HOMER1: variants seen among roughly 807,000 people sequenced by gnomAD.
HOMER1 encodes homer protein homolog 1.
In HOMER1, 3 loss-of-function variants were observed where a neutral mutation model predicts 48.9. The ratio of observed to expected loss-of-function variants is 0.06; its 90% CI spans 0.03 to 0.16. The LOEUF (loss-of-function observed/expected upper bound fraction) is 0.16, where lower values mean the gene tolerates loss of function less well. Ranked by LOEUF, HOMER1 falls within the 10% of genes least tolerant of loss-of-function variation. HOMER1 has a pLI of 1.00. For synonymous variants in HOMER1, 134 were observed against 146.4 expected (o/e 0.92, Z 0.61); for missense variants, 247 against 411.4 (o/e 0.60, Z 3.46).
At chr5:79,480,014 G>A (rs1751902563) in intron 1 of HOMER1, among the ~76,000 whole-genome samples, 1 of 152,114 alleles carries the variant, frequency 6.6e-6, no homozygotes, top group Non-Finnish European at 1.5e-5. Context: ...ACAAGTTATA[G>A]CAATTGTTCA....
chr5:79,462,211 A>G (rs900413609), intron 1 of HOMER1, among the ~76,000 whole-genome samples: 2 of 152,136 alleles, frequency 1.3e-5, no homozygotes, highest in Non-Finnish European at 2.9e-5. Flanking sequence ...AAAACAAACA[A>G]ACAAACAAAA....
intron 1 of HOMER1, among the ~76,000 whole-genome samples, chr5:79,466,262 T>C (rs562631972): frequency 6.6e-6 from 1 of 152,152 alleles, no homozygotes; most frequent in African/African-American, 2.4e-5. Flanking sequence ...ATACCTGTAA[T>C]CCCAGCACTT....
At chr5:79,388,047 G>A (rs1001030361) in intron 8 of HOMER1, among the ~76,000 whole-genome samples, 1 of 152,072 alleles carries the variant, frequency 6.6e-6, no homozygotes, top group Non-Finnish European at 1.5e-5. Flanking sequence ...AGAACAAAAG[G>A]GCTCAGACTA....
At chr5:79,462,687 T>A (rs1561373084) in intron 1 of HOMER1, among the ~76,000 whole-genome samples, 1 of 152,158 alleles carries the variant, frequency 6.6e-6, no homozygotes, top group Non-Finnish European at 1.5e-5. Context: ...TAAGTTTTGG[T>A]CTAGAAAAAA....
At chr5:79,380,185 T>C (rs1039019882) in intron 8 of HOMER1, among the ~76,000 whole-genome samples, 1 of 152,180 alleles carries the variant, frequency 6.6e-6, no homozygotes, top group Non-Finnish European at 1.5e-5. Flanking sequence ...CCATGAATCC[T>C]GCAATCTGAG....
At chr5:79,446,515 CA>C (rs1397335276) in intron 4 of HOMER1, among the ~76,000 whole-genome samples, 3 of 152,164 alleles carry the variant, frequency 2.0e-5, no homozygotes, top group Admixed American at 6.6e-5. Flanking sequence ...TGCTAAGTTA[CA>C]AGCACATTAA....
intron 1 of HOMER1, among the ~76,000 whole-genome samples, chr5:79,484,388 T>C (rs919928124): frequency 1.7e-4 from 26 of 151,988 alleles, no homozygotes; most frequent in Non-Finnish European, 3.4e-4. Context: ...AACCCAATCA[T>C]ATCAATAATA....
At chr5:79,392,280 A>G (rs913444644) in intron 8 of HOMER1, among the ~76,000 whole-genome samples, 13 of 152,176 alleles carry the variant, frequency 8.5e-5, no homozygotes, top group Middle Eastern at 3.2e-3. Flanking sequence ...AGGCATTGTT[A>G]TCATAGGAGA....
intron 4 of HOMER1, among the ~76,000 whole-genome samples, chr5:79,441,362 T>G (rs1750730570): frequency 6.6e-6 from 1 of 151,968 alleles, no homozygotes; most frequent in African/African-American, 2.4e-5. Flanking sequence ...CTCCGGTCAC[T>G]TTGAGGGTAA....
intron 1 of HOMER1, among the ~76,000 whole-genome samples, chr5:79,461,925 G>A (rs1345903249): frequency 3.3e-5 from 5 of 152,104 alleles, no homozygotes; most frequent in Admixed American, 6.5e-5. Flanking sequence ...CATGCCGGGC[G>A]CAGTGGCTCA....
rs566448755 is a variant in HOMER1 at position 79,513,888 on chromosome 5, C to T, written c.-1114G>A. ...GCAGCCGCCGCTCCAGCGCCCCCAC[C>T]CCTACTCCTCGTCTCTCACGCTCCG... On this transcript the variant is annotated 5_prime_UTR_variant, in exon 1 of 9. Coordinates refer to ENST00000334082, the MANE Select transcript of HOMER1 (RefSeq NM_004272.5). 51 of 155,272 alleles carry T rather than the reference C, an allele frequency of 3.3e-4. No homozygotes were observed. Among genetic ancestry groups the T allele is most frequent in the African/African-American group, 1.2e-3 (50 of 41,550 alleles). 9.6% of individuals were successfully genotyped at this position (155,272 alleles called of 1,614,324 possible).
intron 8 of HOMER1, among the ~76,000 whole-genome samples, chr5:79,390,241 G>T (rs946436957): frequency 6.6e-6 from 1 of 152,166 alleles, no homozygotes; most frequent in African/African-American, 2.4e-5. Context: ...ATCTGTGATT[G>T]TGCCACTGGC....
At chr5:79,392,273 C>T (rs1013187802) in intron 8 of HOMER1, among the ~76,000 whole-genome samples, 2 of 152,070 alleles carry the variant, frequency 1.3e-5, no homozygotes, top group African/African-American at 2.4e-5. Context: ...CAGAAGAAGG[C>T]ATTGTTATCA....
At chr5:79,383,038 AG>A (rs2112192882) in intron 8 of HOMER1, among the ~76,000 whole-genome samples, 1 of 152,366 alleles carries the variant, frequency 6.6e-6, no homozygotes. Flanking sequence ...GTATGGAAAA[AG>A]ATATTCCACG....
At chr5:79,403,894 A>C (rs1749594049) in intron 5 of HOMER1, among the ~76,000 whole-genome samples, 1 of 152,254 alleles carries the variant, frequency 6.6e-6, no homozygotes, top group Non-Finnish European at 1.5e-5. Flanking sequence ...GAAAGGATAG[A>C]ATCAAGCAAC....
intron 1 of HOMER1, among the ~76,000 whole-genome samples, chr5:79,467,789 TG>T (rs1398636149): frequency 2.6e-5 from 4 of 152,152 alleles, no homozygotes; most frequent in African/African-American, 9.7e-5. Flanking sequence ...GCCGGTGTTT[TG>T]TTTTGAGACA....
At chr5:79,387,609 A>G (rs571595443) in intron 8 of HOMER1, among the ~76,000 whole-genome samples, 1 of 152,336 alleles carries the variant, frequency 6.6e-6, no homozygotes, top group South Asian at 2.1e-4. Context: ...AAAAATGGGT[A>G]AAACATACAC....
intron 5 of HOMER1, among the ~76,000 whole-genome samples, chr5:79,409,084 G>GGAAAAAAAAAAA (rs1554057917): frequency 9.1e-6 from 1 of 109,576 alleles, no homozygotes; most frequent in Non-Finnish European, 1.7e-5. Context: ...TTTGTCTTGA[G>GGAAAAAAAAAAA]AAAAAAAAAA....
At chr5:79,399,565 G>A (rs553004844) in intron 6 of HOMER1, among the ~76,000 whole-genome samples, 2 of 152,140 alleles carry the variant, frequency 1.3e-5, no homozygotes, top group Non-Finnish European at 2.9e-5. Context: ...TTACCCTAGG[G>A]TTACAGCAAA....
Sources: gnomAD v4.1 joint callset for allele counts (sites outside exome capture counted in the v4.1 genomes callset) on GRCh38, gnomAD v4.1.1 for gene constraint, MANE v1.5 for transcripts, NCBI Gene and HGNC (gene_info 2026-07-23, HGNC 2026-07-21) for gene names.